The following NTM variants were observed in gnomAD, a reference collection of about 807,000 sequenced individuals.
NTM encodes neurotrimin, also known as IgLON family member 2.
Under a neutral mutation model 42.1 loss-of-function variants are expected in NTM, and 13 were observed. That is an observed-to-expected ratio of 0.31 (90% CI 0.20 to 0.49). The LOEUF (loss-of-function observed/expected upper bound fraction) is 0.49. NTM is among the 20% of genes least tolerant of loss of function. The pLI is 0.99. For synonymous variants in NTM, 187 were observed against 179.2 expected, an observed-to-expected ratio of 1.04 and a Z score of -0.35; for missense variants, 373 against 452.8, an observed-to-expected ratio of 0.82 and a Z score of 1.60.
At chr11:132,081,948 T>TTA (rs10547769) in intron 2 of NTM, among the ~76,000 whole-genome samples, 1,580 of 144,194 alleles carry the variant, frequency 0.011, 18 homozygotes, top group African/African-American at 0.031. Flanking sequence ...ATATATATAT[T>TTA]TATATATATA....
intron 1 of NTM, among the ~76,000 whole-genome samples, chr11:131,735,318 G>A (rs1056263889): frequency 2.6e-5 from 4 of 152,116 alleles, no homozygotes; most frequent in Non-Finnish European, 5.9e-5. Flanking sequence ...TTCTATGCTC[G>A]CTTATAGGTT....
chr11:132,205,684 A>G (rs957821368), intron 3 of NTM, among the ~76,000 whole-genome samples: 1 of 152,144 alleles, frequency 6.6e-6, no homozygotes, highest in African/African-American at 2.4e-5. Context: ...GTAAAAGCCA[A>G]TGACCTTTTC....
intron 2 of NTM, among the ~76,000 whole-genome samples, chr11:131,951,799 G>A (rs2061013666): frequency 1.4e-5 from 2 of 145,766 alleles, no homozygotes; most frequent in African/African-American, 5.1e-5. Context: ...TCCAGCCTGG[G>A]TGACAGAGCA....
chr11:132,125,242 C>T (rs1263592331), intron 2 of NTM, among the ~76,000 whole-genome samples: 1 of 150,316 alleles, frequency 6.7e-6, no homozygotes, highest in Admixed American at 6.7e-5. Flanking sequence ...CAAACCCTCC[C>T]TTAGAGTGTA....
intron 1 of NTM, among the ~76,000 whole-genome samples, chr11:131,664,753 G>GTTTTTTTT (rs199824869): frequency 4.4e-5 from 5 of 112,914 alleles, no homozygotes; most frequent in African/African-American, 1.7e-4. Context: ...CTCTTCCATT[G>GTTTTTTTT]TTTTTTTTTT....
At chr11:132,005,809 T>TATTA (rs1356449886) in intron 2 of NTM, among the ~76,000 whole-genome samples, 3 of 152,180 alleles carry the variant, frequency 2.0e-5, no homozygotes, top group Non-Finnish European at 4.4e-5. Flanking sequence ...TAGCATACAT[T>TATTA]ATTAGCTCAC....
intron 4 of NTM, among the ~76,000 whole-genome samples, chr11:132,301,090 A>G (rs1361808531): frequency 2.0e-5 from 3 of 152,196 alleles, no homozygotes; most frequent in Non-Finnish European, 4.4e-5. Flanking sequence ...TGGATAATTT[A>G]TAAAGAAAAG....
chr11:131,789,800 C>CA (rs201999957), intron 1 of NTM, among the ~76,000 whole-genome samples: 4 of 145,822 alleles, frequency 2.7e-5, no homozygotes, highest in Admixed American at 6.8e-5. Flanking sequence ...ACTAAAAATA[C>CA]AAAAAATTAG....
At chr11:132,118,626 A>G (rs1566208788) in intron 2 of NTM, among the ~76,000 whole-genome samples, 1 of 152,232 alleles carries the variant, frequency 6.6e-6, no homozygotes, top group Non-Finnish European at 1.5e-5. Context: ...TCTGTCCTCA[A>G]GAGCCACGGA....
At chr11:131,792,037 C>G (rs2091008156) in intron 1 of NTM, among the ~76,000 whole-genome samples, 1 of 152,170 alleles carries the variant, frequency 6.6e-6, no homozygotes. Context: ...AGGGATCCAG[C>G]TATCTGCATT....
intron 1 of NTM, among the ~76,000 whole-genome samples, chr11:131,595,220 C>G (rs931154796): frequency 3.3e-5 from 5 of 152,128 alleles, no homozygotes; most frequent in African/African-American, 1.2e-4. Context: ...AAATCCTAGG[C>G]GTGGTCCACC....
chr11:131,604,894 G>T (rs1208793250), intron 1 of NTM, among the ~76,000 whole-genome samples: 1 of 115,560 alleles, frequency 8.7e-6, no homozygotes, highest in African/African-American at 2.5e-5. Flanking sequence ...TTTTTTTCTG[G>T]ACTCTATTCT....
chr11:132,240,616 G>A (rs887387217), intron 4 of NTM, among the ~76,000 whole-genome samples: 4 of 152,308 alleles, frequency 2.6e-5, no homozygotes, highest in South Asian at 2.1e-4. Context: ...TGGAGACTAC[G>A]CATTTGCCAG....
chr11:131,576,752 G>A (rs1039391154), intron 1 of NTM, among the ~76,000 whole-genome samples: 1 of 152,138 alleles, frequency 6.6e-6, no homozygotes, highest in Non-Finnish European at 1.5e-5. Flanking sequence ...GATCCCTGAC[G>A]TAAATAATAA....
chr11:131,661,976 A>T (rs2068152640), intron 1 of NTM, among the ~76,000 whole-genome samples: 1 of 152,198 alleles, frequency 6.6e-6, no homozygotes, highest in South Asian at 2.1e-4. Context: ...GATTAACAGA[A>T]TGAAGTGGGG....
chr11:131,565,988 G>GGT (rs1188812924), intron 1 of NTM, among the ~76,000 whole-genome samples: 1 of 152,130 alleles, frequency 6.6e-6, no homozygotes, highest in Non-Finnish European at 1.5e-5. Flanking sequence ...GAAAAGGATG[G>GGT]GTAACCTGTG....
At chr11:131,861,600 T>G (rs185825230) in intron 1 of NTM, among the ~76,000 whole-genome samples, 1 of 152,348 alleles carries the variant, frequency 6.6e-6, no homozygotes, top group Admixed American at 6.5e-5. Context: ...ATCTGCCTGA[T>G]GTTGCTGTAA....
At chr11:131,739,576 G>A (rs780908905) in intron 1 of NTM, among the ~76,000 whole-genome samples, 18 of 152,118 alleles carry the variant, frequency 1.2e-4, no homozygotes, top group East Asian at 1.9e-4. Flanking sequence ...TGTCCTCCGC[G>A]GTTCCTGTGG....
chr11:131,918,032 G>T (rs182357019), intron 2 of NTM, among the ~76,000 whole-genome samples: 1 of 152,200 alleles, frequency 6.6e-6, no homozygotes, highest in Non-Finnish European at 1.5e-5. Flanking sequence ...GCAGAAAAAC[G>T]TCTCCTTTCT....
Sources: gnomAD v4.1 joint callset for allele counts (sites outside exome capture counted in the v4.1 genomes callset) on GRCh38, gnomAD v4.1.1 for gene constraint, MANE v1.5 for transcripts, NCBI Gene and HGNC (gene_info 2026-07-23, HGNC 2026-07-21) for gene names.